Variants in SSH2 observed in about 807,000 individuals in gnomAD.
The protein encoded by SSH2 is protein phosphatase Slingshot homolog 2.
In SSH2, 37 loss-of-function variants were observed where a neutral mutation model predicts 135.2. That is an observed-to-expected ratio of 0.27 (90% CI 0.21 to 0.36). The LOEUF is 0.36. Among genes scored for constraint, SSH2 ranks in the 10% least tolerant of loss-of-function variants. The pLI, the probability that SSH2 is intolerant of heterozygous loss-of-function variation, is 1.00. For synonymous variants in SSH2, 628 were observed against 646.2 expected (o/e 0.97, Z 0.43); for missense variants, 1,408 against 1,765.3 (o/e 0.80, Z 3.63).
intron 3 of SSH2, among the ~76,000 whole-genome samples, chr17:29,765,157 G>A (rs1382823334): frequency 6.6e-6 from 1 of 152,208 alleles, no homozygotes; most frequent in Non-Finnish European, 1.5e-5. Context: ...TCTTATGAGA[G>A]TTGGGGAATT....
chr17:29,878,413 GC>G, intron 1 of SSH2, among the ~76,000 whole-genome samples: 1 of 152,164 alleles, frequency 6.6e-6, no homozygotes, highest in South Asian at 2.1e-4. Flanking sequence ...GGTAACAGGA[GC>G]AAAATTGCGT....
At chr17:29,683,592 A>G (rs565496551) in intron 6 of SSH2, among the ~76,000 whole-genome samples, 23 of 152,248 alleles carry the variant, frequency 1.5e-4, no homozygotes, top group African/African-American at 5.5e-4. Context: ...ACTACCACAA[A>G]GGGTAGGTGC....
intron 3 of SSH2, among the ~76,000 whole-genome samples, chr17:29,781,423 C>T (rs1472678652): frequency 9.3e-5 from 14 of 151,026 alleles, no homozygotes; most frequent in Admixed American, 9.3e-4. Context: ...AGTAACAGTG[C>T]CACTGAGAAA....
chr17:29,752,711 CAAAGTTA>C (rs1457790734), intron 3 of SSH2, among the ~76,000 whole-genome samples: 1 of 151,144 alleles, frequency 6.6e-6, no homozygotes, highest in Admixed American at 6.6e-5. Context: ...ATATGGGACG[CAAAGTTA>C]AAAGTCAAGC....
intron 1 of SSH2, among the ~76,000 whole-genome samples, chr17:29,895,055 T>A (rs1357660726): frequency 6.6e-6 from 1 of 151,420 alleles, no homozygotes; most frequent in Non-Finnish European, 1.5e-5. Flanking sequence ...TCCAACCACA[T>A]AAAATCACAT....
intron 1 of SSH2, chr17:29,855,908 G>A (rs981000623): frequency 4.9e-5 from 12 of 244,062 alleles, no homozygotes; most frequent in Middle Eastern, 1.5e-3. Flanking sequence ...CCTTGGAAAA[G>A]AAGAGGCGCT....
At chr17:29,829,619 G>A (rs140404666) in intron 2 of SSH2, among the ~76,000 whole-genome samples, 16 of 152,152 alleles carry the variant, frequency 1.1e-4, no homozygotes, top group Admixed American at 6.5e-4. Flanking sequence ...TTGTGTATAC[G>A]TTACCTATCA....
At position 29,629,907 on chromosome 17, in the gene SSH2, A is replaced by AT. The variant is rs1443017234; in HGVS notation, c.*933dup. ...GAAGGCCCAAAGAATTATTCAAGTA[A>AT]TGGAAGGGTTAAAACCCTACATACA... On this transcript the variant is annotated 3_prime_UTR_variant, in exon 16 of 16. Transcript: ENST00000540801. The AT allele has an allele frequency of 6.5e-6, 1 of 152,698 alleles. No individual in the cohort carries two copies. The highest frequency in any genetic ancestry group is 1.5e-5 in the Non-Finnish European group (1 of 68,048). The allele number at this position is 152,698 out of a possible 1,614,324, so 9.5% of individuals were successfully genotyped here. A position where few individuals can be genotyped will look rare whatever the true frequency, so the allele number is the denominator to read the frequency against.
chr17:29,850,346 C>A (rs531215637), intron 1 of SSH2, among the ~76,000 whole-genome samples: 12 of 152,318 alleles, frequency 7.9e-5, no homozygotes, highest in Admixed American at 1.3e-4. Flanking sequence ...ATCATTGATG[C>A]ATAAGCTTAC....
intron 6 of SSH2, among the ~76,000 whole-genome samples, 185 bp downstream of exon 6, chr17:29,684,378 G>A (rs548359023): frequency 6.6e-5 from 10 of 151,884 alleles, no homozygotes; most frequent in Non-Finnish European, 1.5e-5. Context: ...TCAGGAGGCT[G>A]AGGCAGGAGA....
intron 3 of SSH2, among the ~76,000 whole-genome samples, chr17:29,783,070 G>T (rs1260867944): frequency 6.6e-6 from 1 of 151,960 alleles, no homozygotes; most frequent in African/African-American, 2.4e-5. Flanking sequence ...GGGGGCCATT[G>T]AATTGGGAGT....
chr17:29,824,846 G>A lies in SSH2; in HGVS notation c.144+24003C>T, dbSNP rs55971668. 8.2e-3 allele frequency among the ~76,000 whole-genome samples: 1,255 copies of A among 152,228 alleles called. 18 individuals carry two copies. Among genetic ancestry groups the A allele is most frequent in the African/African-American group, 0.029 (1,200 of 41,528 alleles). On this transcript the variant is annotated intron_variant, in intron 2 of 15. Transcript: ENST00000540801. ...TCTGATAATAACTTATTTTCTTGCAGGGAACCATCCTTTTGTATTCTCCAG... is the reference window on the plus strand; with the variant it reads ...TCTGATAATAACTTATTTTCTTGCAAGGAACCATCCTTTTGTATTCTCCAG...
chr17:29,724,347 G>A (rs1323905706), intron 3 of SSH2, among the ~76,000 whole-genome samples: 2 of 152,022 alleles, frequency 1.3e-5, no homozygotes, highest in African/African-American at 4.8e-5. Context: ...TGACCAACAT[G>A]GTGAAACCCC....
At chr17:29,761,455 C>G in intron 3 of SSH2, 1 of 995,670 alleles carries the variant, frequency 1.0e-6, no homozygotes, top group Non-Finnish European at 1.2e-6. Flanking sequence ...CAGCAGTTCG[C>G]CCCCACCCGC....
At chr17:29,784,943 C>T (rs1432395030) in intron 3 of SSH2, among the ~76,000 whole-genome samples, 1 of 152,082 alleles carries the variant, frequency 6.6e-6, no homozygotes, top group Non-Finnish European at 1.5e-5. Flanking sequence ...ATTTTCATTG[C>T]TATCTTTGAA....
At chr17:29,778,245 C>A (rs1304977279) in intron 3 of SSH2, among the ~76,000 whole-genome samples, 1 of 152,130 alleles carries the variant, frequency 6.6e-6, no homozygotes, top group Non-Finnish European at 1.5e-5. Context: ...AGAATTTCTG[C>A]TAAACATTGA....
chr17:29,667,322 A>T, intron 9 of SSH2, 99 bp from the exon 10 acceptor site: 1 of 939,516 alleles, frequency 1.1e-6, no homozygotes, highest in Non-Finnish European at 1.6e-6. Context: ...TTCTTCAATA[A>T]GGCAAATCCT....
intron 1 of SSH2, among the ~76,000 whole-genome samples, chr17:29,859,536 A>T (rs749107206): frequency 2.0e-5 from 3 of 152,146 alleles, no homozygotes; most frequent in Non-Finnish European, 4.4e-5. Flanking sequence ...TTATAAGAAC[A>T]TGCGGTATTT....
intron 3 of SSH2, among the ~76,000 whole-genome samples, chr17:29,727,167 T>C (rs1229209848): frequency 3.3e-5 from 5 of 152,214 alleles, no homozygotes; most frequent in African/African-American, 1.2e-4. Flanking sequence ...TGGGCTCTAG[T>C]CAAATGAACA....
Sources: allele counts gnomAD v4.1 joint callset (sites outside exome capture counted in the v4.1 genomes callset), GRCh38; gene constraint gnomAD v4.1.1; transcripts MANE v1.5; gene names NCBI Gene and HGNC (gene_info 2026-07-23, HGNC 2026-07-21).